Variants in TAFA1 observed in about 807,000 individuals in gnomAD.
The protein encoded by TAFA1 is chemokine-like protein TAFA-1.
Under a neutral mutation model 18.5 loss-of-function variants are expected in TAFA1, and 4 were observed. That is an observed-to-expected ratio of 0.22 (90% confidence interval 0.11 to 0.49). The LOEUF is 0.49. TAFA1 is among the 20% of genes least tolerant of loss of function. TAFA1 has a pLI of 0.98. For synonymous variants in TAFA1, 56 were observed against 55.2 expected (o/e 1.01, Z -0.06); for missense variants, 147 against 169.0 (o/e 0.87, Z 0.72).
chr3:68,176,754 G>C (rs1466940994), intron 2 of TAFA1, among the ~76,000 whole-genome samples: 1 of 152,202 alleles, frequency 6.6e-6, no homozygotes. Context: ...AAATAGCAAA[G>C]AGTTCATTAG....
intron 2 of TAFA1, among the ~76,000 whole-genome samples, chr3:68,305,417 A>AC (rs1559608874): frequency 0.092 from 4,225 of 46,130 alleles, 423 homozygotes; most frequent in East Asian, 0.26. Flanking sequence ...GACTATATAT[A>AC]TATATATATA....
chr3:68,381,565 T>C (rs1220320347), intron 2 of TAFA1, among the ~76,000 whole-genome samples: 1 of 152,318 alleles, frequency 6.6e-6, no homozygotes, highest in East Asian at 1.9e-4. Context: ...GATTTGGCTC[T>C]CTGTTTGTCT....
chr3:68,490,398 C>G (rs562214329), intron 3 of TAFA1, among the ~76,000 whole-genome samples: 1 of 141,832 alleles, frequency 7.1e-6, no homozygotes, highest in Non-Finnish European at 1.6e-5. Flanking sequence ...GCTTTTAATA[C>G]GAAAGAAAAA....
At chr3:68,133,818 GAC>G (rs2065572630) in intron 2 of TAFA1, among the ~76,000 whole-genome samples, 1 of 151,962 alleles carries the variant, frequency 6.6e-6, no homozygotes, top group African/African-American at 2.4e-5. Flanking sequence ...AGTGGCAGAG[GAC>G]ACAGTCTTTG....
intron 2 of TAFA1, among the ~76,000 whole-genome samples, chr3:68,081,157 T>G (rs893591193): frequency 5.3e-5 from 8 of 152,192 alleles, no homozygotes; most frequent in Non-Finnish European, 1.2e-4. Context: ...TTGGTTTTCA[T>G]CTCCATCAGC....
intron 2 of TAFA1, among the ~76,000 whole-genome samples, chr3:68,394,919 C>T (rs1449353444): frequency 1.3e-5 from 2 of 152,238 alleles, no homozygotes; most frequent in Middle Eastern, 3.4e-3. Flanking sequence ...ACACCAAAAG[C>T]AATTGCAACA....
intron 4 of TAFA1, among the ~76,000 whole-genome samples, 163 bp downstream of exon 4, chr3:68,539,043 C>T (rs150981380): frequency 1.4e-4 from 21 of 152,264 alleles, no homozygotes; most frequent in African/African-American, 4.3e-4. Flanking sequence ...GTGAATGAGA[C>T]GTTAGAGATT....
intron 2 of TAFA1, among the ~76,000 whole-genome samples, chr3:68,063,810 A>G (rs2106731601): frequency 6.6e-6 from 1 of 152,268 alleles, no homozygotes; most frequent in South Asian, 2.1e-4. Context: ...CTTTATTTTA[A>G]AAGGGATGCA....
intron 2 of TAFA1, among the ~76,000 whole-genome samples, chr3:68,299,972 C>G (rs761184632): frequency 1.3e-5 from 2 of 152,218 alleles, no homozygotes; most frequent in Non-Finnish European, 2.9e-5. Flanking sequence ...GGGGCAGAAC[C>G]CTCATGGAGA....
intron 2 of TAFA1, among the ~76,000 whole-genome samples, chr3:68,393,450 C>T (rs1214170769): frequency 6.6e-6 from 1 of 151,034 alleles, no homozygotes; most frequent in Non-Finnish European, 1.5e-5. Context: ...GAAGCTGGTA[C>T]CATTCCTTCA....
intron 2 of TAFA1, among the ~76,000 whole-genome samples, chr3:68,079,905 C>T (rs989798106): frequency 1.3e-5 from 2 of 151,988 alleles, no homozygotes; most frequent in African/African-American, 4.8e-5. Context: ...CTAATGTTGA[C>T]AGTGGGGTGT....
chr3:68,106,978 G>A (rs967959359), intron 2 of TAFA1, among the ~76,000 whole-genome samples: 1 of 152,128 alleles, frequency 6.6e-6, no homozygotes, highest in African/African-American at 2.4e-5. Flanking sequence ...TACATTGTTG[G>A]TAGGAATGCA....
At chr3:68,258,653 A>G (rs1442431502) in intron 2 of TAFA1, among the ~76,000 whole-genome samples, 2 of 152,186 alleles carry the variant, frequency 1.3e-5, no homozygotes, top group Admixed American at 6.6e-5. Context: ...TCAGCTGTCA[A>G]TGGTGTGGTT....
rs2064590473 is a variant in TAFA1, at chr3:68,060,568, C to A, written c.118+53824C>A. ...TAGACCAGCAAATGAGATGGTGGGT[C>A]CTTCTCCAGAAATCCTTGCATCATG... On this transcript the variant is annotated intron_variant, in intron 2 of 4. Coordinates refer to ENST00000478136, the MANE Select transcript of TAFA1 (RefSeq NM_213609.4). 2.0e-5 allele frequency among the ~76,000 whole-genome samples: 3 copies of A among 152,232 alleles called. No homozygotes were observed. The South Asian group carries it at 6.2e-4, about 32-fold the overall frequency.
At chr3:68,351,737 A>G (rs1389809525) in intron 2 of TAFA1, among the ~76,000 whole-genome samples, 2 of 151,996 alleles carry the variant, frequency 1.3e-5, no homozygotes, top group Non-Finnish European at 2.9e-5. Flanking sequence ...AAGCTTGTTA[A>G]TGTGGATTCC....
At chr3:68,453,962 G>A (rs1055886452) in intron 3 of TAFA1, among the ~76,000 whole-genome samples, 2 of 152,150 alleles carry the variant, frequency 1.3e-5, no homozygotes, top group Non-Finnish European at 2.9e-5. Context: ...AAGGCTTAAG[G>A]AGAAGGGCTG....
chr3:68,410,704 G>GAAAAA (rs1559657339), intron 2 of TAFA1, among the ~76,000 whole-genome samples: 1 of 1,378 alleles, frequency 7.3e-4, no homozygotes, highest in African/African-American at 3.0e-3. Context: ...TTTTCCATAA[G>GAAAAA]CAAAAAAAAA....
At chr3:68,003,149 T>A (rs1183112951), upstream of TAFA1, among the ~76,000 whole-genome samples, 8 of 152,226 alleles carry the variant, frequency 5.3e-5, no homozygotes, top group African/African-American at 1.9e-4. Flanking sequence ...ACAGTTGTTA[T>A]GTTACAAAGA....
At chr3:68,176,308 C>T (rs897599735) in intron 2 of TAFA1, among the ~76,000 whole-genome samples, 1 of 152,056 alleles carries the variant, frequency 6.6e-6, no homozygotes, top group Non-Finnish European at 1.5e-5. Flanking sequence ...ATATTGAGAC[C>T]CTGTTTCTAC....
Sources: gnomAD v4.1 joint callset for allele counts (sites outside exome capture counted in the v4.1 genomes callset) on GRCh38, gnomAD v4.1.1 for gene constraint, MANE v1.5 for transcripts, NCBI Gene and HGNC (gene_info 2026-07-23, HGNC 2026-07-21) for gene names.